The following MTUS2 variants were observed in gnomAD, a reference collection of about 807,000 sequenced individuals.
The protein encoded by MTUS2 is microtubule-associated tumor suppressor candidate 2.
Under a neutral mutation model 114.1 loss-of-function variants are expected in MTUS2, and 40 were observed. That is an observed-to-expected ratio of 0.35 (90% confidence interval 0.27 to 0.46). MTUS2 has a LOEUF of 0.46. MTUS2 is among the 20% of genes least tolerant of loss of function. The pLI, the probability that MTUS2 is intolerant of heterozygous loss-of-function variation, is 1.00. For missense variants in MTUS2, 1,679 were observed against 1,705.4 expected (o/e 0.98, Z 0.27); for synonymous variants, 688 against 672.0 (o/e 1.02, Z -0.37).
chr13:28,820,026 C>T (rs909093659), upstream of MTUS2, among the ~76,000 whole-genome samples: 6 of 147,074 alleles, frequency 4.1e-5, no homozygotes, highest in Non-Finnish European at 6.1e-5. Flanking sequence ...GCCTACCGCT[C>T]GGGCCCGCTC....
chr13:29,200,223 C>A (rs1243412460), intron 5 of MTUS2, among the ~76,000 whole-genome samples: 1 of 151,624 alleles, frequency 6.6e-6, no homozygotes, highest in African/African-American at 2.4e-5. Context: ...TATTTCTTGT[C>A]TTCTGCTAGC....
At chr13:29,051,669 G>A (rs750159931) in intron 4 of MTUS2, among the ~76,000 whole-genome samples, 6 of 152,128 alleles carry the variant, frequency 3.9e-5, no homozygotes, top group Non-Finnish European at 7.4e-5. Flanking sequence ...CCTCAAAGAA[G>A]CAAAAAATGG....
chr13:29,141,053 A>G (rs576491056), intron 5 of MTUS2, among the ~76,000 whole-genome samples: 2 of 152,246 alleles, frequency 1.3e-5, no homozygotes, highest in South Asian at 2.1e-4. Context: ...TGTCATTAGC[A>G]TAAAATATAT....
At chr13:29,043,806 C>T (rs1043809408) in intron 4 of MTUS2, among the ~76,000 whole-genome samples, 11 of 151,420 alleles carry the variant, frequency 7.3e-5, no homozygotes, top group African/African-American at 2.4e-4. Context: ...ATCAGATAAA[C>T]AATTAGCTAG....
At position 29,499,986 on chromosome 13, in the gene MTUS2, C is replaced by T. The variant is rs866153968; in HGVS notation, c.3799-1111C>T. On this transcript the variant is annotated intron_variant, in intron 14 of 15. Coordinates refer to ENST00000612955, the MANE Select transcript of MTUS2 (RefSeq NM_001033602.4). ...GGGCTGGCGGGGAGCTACAGGACAG[C>T]GCCTGCCTCAGCTGAACCCTGCCTT... Among the ~76,000 whole-genome samples the T allele has an allele frequency of 5.9e-5, 9 of 152,370 alleles. No homozygotes were observed. The East Asian group carries it at 1.2e-3, about 20-fold the overall frequency.
chr13:28,928,967 C>T (rs548696286), intron 2 of MTUS2, among the ~76,000 whole-genome samples: 71 of 152,260 alleles, frequency 4.7e-4, no homozygotes, highest in Middle Eastern at 3.4e-3. Context: ...TATATACACA[C>T]AATGGAATAT....
chr13:29,187,101 A>G (rs1052885115), intron 5 of MTUS2, among the ~76,000 whole-genome samples: 54 of 152,314 alleles, frequency 3.5e-4, no homozygotes, highest in African/African-American at 1.3e-3. Flanking sequence ...CTTATGTGAT[A>G]CAGCTAAAGC....
intron 2 of MTUS2, among the ~76,000 whole-genome samples, chr13:28,948,615 A>G (rs757188657): frequency 1.3e-5 from 2 of 152,214 alleles, no homozygotes; most frequent in Non-Finnish European, 2.9e-5. Context: ...ACCCTCTCAT[A>G]AAATAGATGC....
intron 8 of MTUS2, among the ~76,000 whole-genome samples, chr13:29,426,764 C>T (rs1876565541): frequency 6.6e-6 from 1 of 152,328 alleles, no homozygotes; most frequent in African/African-American, 2.4e-5. Context: ...TAGCACCTGT[C>T]AGAATTTCCT....
intron 6 of MTUS2, among the ~76,000 whole-genome samples, chr13:29,318,925 A>G (rs1457060774): frequency 1.3e-5 from 2 of 152,230 alleles, no homozygotes; most frequent in Non-Finnish European, 2.9e-5. Context: ...AATCAGTGCC[A>G]GTATTTCAAA....
chr13:29,281,781 C>A lies in MTUS2; in HGVS notation c.2722C>A (p.Arg908=). ...TAAGGACACACCCAAGGGGGCCGGC[C>A]GGGTGGCCCCTCCAGCATCCTCCAG... ...PSKDTPKGAG[R]VAPPASSSVT... is the part of the protein sequence containing the mutation. Residue 908 remains arginine (R), a synonymous_variant, in exon 6 of 16, where the codon CGG becomes AGG. Coordinates refer to ENST00000612955, the MANE Select transcript of MTUS2 (RefSeq NM_001033602.4). 1.9e-6 allele frequency: 3 copies of A among 1,612,346 alleles called. No individual in the cohort carries two copies. Among genetic ancestry groups the A allele is most frequent in the Non-Finnish European group, 2.5e-6 (3 of 1,178,626 alleles).
intron 8 of MTUS2, among the ~76,000 whole-genome samples, chr13:29,439,255 G>A (rs768128861): frequency 2.6e-5 from 4 of 152,128 alleles, no homozygotes; most frequent in Non-Finnish European, 4.4e-5. Flanking sequence ...ACTCAATAAC[G>A]CAGATTACAA....
intron 5 of MTUS2, among the ~76,000 whole-genome samples, chr13:29,140,181 C>T (rs894550126): frequency 5.3e-5 from 8 of 152,034 alleles, no homozygotes; most frequent in African/African-American, 1.7e-4. Flanking sequence ...TCAAAATAAG[C>T]AGTTTCTTAA....
At chr13:29,190,524 C>T (rs370207190) in intron 5 of MTUS2, among the ~76,000 whole-genome samples, 51 of 152,310 alleles carry the variant, frequency 3.3e-4, no homozygotes, top group African/African-American at 8.9e-4. Context: ...GAACCTTGCC[C>T]GCCTCCAGAT....
intron 8 of MTUS2, among the ~76,000 whole-genome samples, chr13:29,421,227 G>A (rs1288686473): frequency 2.0e-5 from 3 of 152,122 alleles, no homozygotes; most frequent in Admixed American, 2.0e-4. Flanking sequence ...TAGATGGATT[G>A]TGTTTGGTAA....
Position 29,064,823 on chromosome 13 carries a change from T to G in MTUS2, c.2446+30698T>G, listed in dbSNP as rs554309485. On this transcript the variant is annotated intron_variant, in intron 4 of 15. Transcript: ENST00000612955. ...CAGGCTCCAGTGTCTGCTTCTCTCT[T>G]TATGTCCATGAGTTCTAATCACTTA... is the stretch of plus-strand genomic sequence containing the variant. 1.3e-4 allele frequency among the ~76,000 whole-genome samples: 20 copies of G among 152,234 alleles called. 1 individual carries two copies. Among genetic ancestry groups the G allele is most frequent in the African/African-American group, 4.8e-4 (20 of 41,546 alleles).
At chr13:29,355,192 C>T (rs1869636066) in intron 7 of MTUS2, among the ~76,000 whole-genome samples, 1 of 152,172 alleles carries the variant, frequency 6.6e-6, no homozygotes, top group Non-Finnish European at 1.5e-5. Flanking sequence ...TTTCAAGGGC[C>T]GTGTCCTCTC....
chr13:29,159,479 T>A (rs965759227), intron 5 of MTUS2, among the ~76,000 whole-genome samples: 2 of 151,958 alleles, frequency 1.3e-5, no homozygotes, highest in East Asian at 1.9e-4. Context: ...AGAAGCATGA[T>A]CCGGAAAAGA....
intron 5 of MTUS2, among the ~76,000 whole-genome samples, chr13:29,169,482 T>C (rs1296677580): frequency 1.3e-5 from 2 of 152,162 alleles, no homozygotes; most frequent in Non-Finnish European, 2.9e-5. Context: ...ACCAGAAAAA[T>C]AAGTCTGGCT....
Sources: gnomAD v4.1 joint callset for allele counts (sites outside exome capture counted in the v4.1 genomes callset) on GRCh38, gnomAD v4.1.1 for gene constraint, MANE v1.5 for transcripts, NCBI Gene and HGNC (gene_info 2026-07-23, HGNC 2026-07-21) for gene names.